PDZK1IP1: variants seen among roughly 807,000 people sequenced by gnomAD.
The protein encoded by PDZK1IP1 is PDZK1 interacting protein 1, also known as PDZK1-interacting protein 1.
PDZK1IP1 carries 9 observed loss-of-function variants against 14.7 expected under a neutral mutation model. The observed-to-expected ratio is 0.61, with a 90% CI of 0.37 to 1.07. The LOEUF (loss-of-function observed/expected upper bound fraction) is 1.07, where lower values mean the gene tolerates loss of function less well. Ranked by LOEUF, PDZK1IP1 falls within the 50% of genes least tolerant of loss-of-function variation. The probability of loss-of-function intolerance (pLI) is 0.01; values close to 1 mark genes in which losing one functional copy is unlikely to be tolerated. For missense variants in PDZK1IP1, 152 were observed against 148.7 expected (o/e 1.02, Z -0.11); for synonymous variants, 70 against 61.2 (o/e 1.14, Z -0.67).
At chr1:47,186,809 C>A (rs984479611) in intron 2 of PDZK1IP1, among the ~76,000 whole-genome samples, 9 of 152,208 alleles carry the variant, frequency 5.9e-5, no homozygotes, top group African/African-American at 2.4e-5. Context: ...CTGGCCACCC[C>A]GGACCAGGTC....
Position 47,184,928 on chromosome 1 carries a change from C to T in PDZK1IP1, c.272+74G>A, listed in dbSNP as rs1569852033. On this transcript the variant is annotated intron_variant, in intron 3 of 3. Coordinates refer to ENST00000294338, the MANE Select transcript of PDZK1IP1 (RefSeq NM_005764.4). ...TCTCCGTCCTCCCCAGCCACCTCCC[C>T]CCAGCAGCACCTGTCTTGAGATTCT... 19 of 1,239,692 alleles carry T rather than the reference C, an allele frequency of 1.5e-5. No homozygotes were observed. In the East Asian group the frequency reaches 4.0e-4, roughly 26 times the overall value. The allele number at this position is 1,239,692 out of a possible 1,614,324, so 76.8% of individuals were successfully genotyped here. A position where few individuals can be genotyped will look rare whatever the true frequency, so the allele number is the denominator to read the frequency against.
chr1:47,185,950 C>G (rs1645317032), intron 2 of PDZK1IP1, among the ~76,000 whole-genome samples: 5 of 152,140 alleles, frequency 3.3e-5, no homozygotes. Flanking sequence ...CGCTGCCGTG[C>G]ATCTGCCACG....
Position 47,189,857 on chromosome 1 carries a change from C to T in PDZK1IP1, c.67+9G>A. 1 of 1,590,216 alleles carries T rather than the reference C, an allele frequency of 6.3e-7. No homozygotes were observed. Among genetic ancestry groups the T allele is most frequent in the Non-Finnish European group, 8.5e-7 (1 of 1,175,488 alleles). Reference sequence around the variant, plus strand: ...GTCTCCCGTGCCCAGCCCTCTCCTCCTGAGCTACCTTGCTGACAGCTGGCA... The same window carrying T: ...GTCTCCCGTGCCCAGCCCTCTCCTCTTGAGCTACCTTGCTGACAGCTGGCA... On this transcript the variant is annotated intron_variant, in intron 1 of 3. Transcript: ENST00000294338.
At chr1:47,186,729 ACT>A (rs2148573032) in intron 2 of PDZK1IP1, among the ~76,000 whole-genome samples, 1 of 152,044 alleles carries the variant, frequency 6.6e-6, no homozygotes, top group East Asian at 1.9e-4. Flanking sequence ...TTCCCACGCC[ACT>A]CTATCCTGGT....
chr1:47,187,723 T>C (rs1645329187), intron 1 of PDZK1IP1, among the ~76,000 whole-genome samples: 2 of 152,100 alleles, frequency 1.3e-5, no homozygotes, highest in African/African-American at 4.8e-5. Flanking sequence ...CAGTGCTGTA[T>C]CTAGGCAGCC....
chr1:47,188,418 G>A (rs1329632289), intron 1 of PDZK1IP1, among the ~76,000 whole-genome samples: 1 of 152,210 alleles, frequency 6.6e-6, no homozygotes, highest in Admixed American at 6.5e-5. Context: ...CAGCATCACT[G>A]CACTCCATGA....
At chr1:47,187,173 T>A in intron 2 of PDZK1IP1, 146 bp downstream of exon 2, 1 of 643,764 alleles carries the variant, frequency 1.6e-6, no homozygotes, top group South Asian at 1.9e-5. Context: ...ACCCACCCCA[T>A]GACCTTGAGC....
intron 2 of PDZK1IP1, 126 bp downstream of exon 2, chr1:47,187,193 C>T: frequency 1.8e-6 from 1 of 556,152 alleles, no homozygotes; most frequent in Non-Finnish European, 3.2e-6. Flanking sequence ...CCTCAGTTTC[C>T]CTTCCCTTGA....
At chr1:47,186,461 C>T (rs1645321099) in intron 2 of PDZK1IP1, among the ~76,000 whole-genome samples, 1 of 152,258 alleles carries the variant, frequency 6.6e-6, no homozygotes, top group Admixed American at 6.5e-5. Flanking sequence ...CCTGTCTCCA[C>T]CCACTGAGCC....
Position 47,189,923 on chromosome 1 carries a change from G to C in PDZK1IP1, c.10C>G (p.Leu4Val). 6.3e-7 allele frequency: 1 copy of C among 1,593,600 alleles called. No individual in the cohort carries two copies. The highest frequency in any genetic ancestry group is 8.5e-7 in the Non-Finnish European group (1 of 1,177,648). Residue 4 changes from leucine to valine, a missense_variant, in exon 1 of 4, where the codon CTC becomes GTC. Physicochemically the swap from Leu to Val is conservative, Grantham distance 32. Transcript: ENST00000294338. The part of the protein sequence containing the change: MSA[L>V]SLLILGLLTA... ...AGCAGGCCCAGAATGAGGAGGCTGA[G>C]GGCCGACATGGCTGCAGCAGCTCCT...
rs1051090112 is a variant in PDZK1IP1 at position 47,187,348 on chromosome 1, T to C, written c.147A>G (p.Ala49=). 17 of 1,612,646 alleles carry C rather than the reference T, an allele frequency of 1.1e-5. No individual in the cohort carries two copies. Among genetic ancestry groups the C allele is most frequent in the Non-Finnish European group, 1.2e-5 (14 of 1,179,926 alleles). ...CCTCCTGGCACCAGAAGTGGTTGAC[T>C]GCAAAGGCGATTGCAACGAGGACCA... ...VFLVLVAIAF[A]VNHFWCQEEP... Residue 49 remains alanine, a synonymous_variant, in exon 2 of 4, where the codon GCA becomes GCG. Coordinates refer to ENST00000294338, the MANE Select transcript of PDZK1IP1 (RefSeq NM_005764.4).
At chr1:47,189,503 G>A (rs1645340017) in intron 1 of PDZK1IP1, among the ~76,000 whole-genome samples, 1 of 152,190 alleles carries the variant, frequency 6.6e-6, no homozygotes. Flanking sequence ...AAGCCCAAGA[G>A]GCCGAGACAA....
intron 1 of PDZK1IP1, among the ~76,000 whole-genome samples, chr1:47,187,790 A>C (rs1270701667): frequency 2.0e-5 from 3 of 152,220 alleles, no homozygotes; most frequent in African/African-American, 7.2e-5. Flanking sequence ...ACCAAAGGGC[A>C]GCCCCCTGGA....
At chr1:47,185,710 G>A (rs1438032410) in intron 2 of PDZK1IP1, among the ~76,000 whole-genome samples, 2 of 152,008 alleles carry the variant, frequency 1.3e-5, no homozygotes, top group Non-Finnish European at 2.9e-5. Context: ...TGTGTTCTGG[G>A]CCTCGGTGAG....
intron 3 of PDZK1IP1, among the ~76,000 whole-genome samples, chr1:47,184,358 A>C (rs1421527123): frequency 3.1e-5 from 2 of 64,782 alleles, no homozygotes; most frequent in Non-Finnish European, 3.0e-5. Context: ...TCCATCCCCA[A>C]CTGAGTCCAT....
intron 1 of PDZK1IP1, among the ~76,000 whole-genome samples, chr1:47,189,074 T>C (rs770359517): frequency 3.4e-5 from 5 of 146,070 alleles, no homozygotes; most frequent in Non-Finnish European, 6.0e-5. Flanking sequence ...TCAACCTCTC[T>C]GGTCTGCAGT....
At chr1:47,184,868 GCC>G (rs1645309320) in intron 3 of PDZK1IP1, 132 bp downstream of exon 3, 5 of 692,048 alleles carry the variant, frequency 7.2e-6, no homozygotes, top group Non-Finnish European at 1.0e-5. Flanking sequence ...TCCTCACAAA[GCC>G]CCCATTGCCT....
intron 3 of PDZK1IP1, 74 bp downstream of exon 3, chr1:47,184,928 C>G: frequency 8.1e-7 from 1 of 1,239,810 alleles, no homozygotes; most frequent in East Asian, 2.3e-5. Context: ...GCCACCTCCC[C>G]CCAGCAGCAC....
At chr1:47,186,093 G>A (rs1397304103) in intron 2 of PDZK1IP1, among the ~76,000 whole-genome samples, 2 of 152,094 alleles carry the variant, frequency 1.3e-5, no homozygotes, top group South Asian at 2.1e-4. Flanking sequence ...GGCGGATCAC[G>A]AGGTTGGGAG....
Sources: gnomAD v4.1 joint callset for allele counts (sites outside exome capture counted in the v4.1 genomes callset) on GRCh38, gnomAD v4.1.1 for gene constraint, MANE v1.5 for transcripts, NCBI Gene and HGNC (gene_info 2026-07-23, HGNC 2026-07-21) for gene names.